Variants in SMS observed in about 807,000 individuals in gnomAD.
SMS encodes spermine synthase.
SMS carries 3 observed loss-of-function variants against 33.0 expected under a neutral mutation model. The ratio of observed to expected loss-of-function variants is 0.09; its 90% CI spans 0.04 to 0.23. The LOEUF (loss-of-function observed/expected upper bound fraction) is 0.23, where lower values mean the gene tolerates loss of function less well. SMS is among the 10% of genes least tolerant of loss of function. The probability of loss-of-function intolerance (pLI) is 1.00; values close to 1 mark genes in which losing one functional copy is unlikely to be tolerated. For missense variants in SMS, 117 were observed against 288.6 expected (o/e 0.41, Z 4.31); for synonymous variants, 103 against 112.2 (o/e 0.92, Z 0.52).
In SMS at chrX:21,967,426, T is replaced by C. The variant is rs1923815606; in HGVS notation, c.170+110T>C. On this transcript the variant is annotated intron_variant, in intron 2 of 10. Transcript: ENST00000404933. The stretch of plus-strand genomic sequence containing the variant: ...GCATTTTTTTTTCTCCTTTGACATC[T>C]TTTAGGATGGGAATGGAACTTGGTG... 5 of 833,201 alleles carry C rather than the reference T, an allele frequency of 6.0e-6. No individual in the cohort carries two copies. In the East Asian group the frequency reaches 1.7e-4, roughly 28 times the overall value. The allele number at this position is 833,201 out of a possible 1,213,427, so 68.7% of individuals were successfully genotyped here. A position where few individuals can be genotyped will look rare whatever the true frequency, so the allele number is the denominator to read the frequency against.
At chrX:21,964,997 C>T (rs987956814) in intron 1 of SMS, among the ~76,000 whole-genome samples, 6 of 111,178 alleles carry the variant, frequency 5.4e-5, no homozygotes, top group Non-Finnish European at 9.4e-5. Flanking sequence ...GCTTCTGGTG[C>T]GCTTCTAGCT....
chrX:21,981,935 T>TA (rs1303227373), intron 7 of SMS, among the ~76,000 whole-genome samples: 11 of 111,242 alleles, frequency 9.9e-5, no homozygotes, highest in African/African-American at 3.3e-4. Flanking sequence ...ATCCCTTGAA[T>TA]AATGCAGAGT....
At chrX:21,986,725 G>A (rs1309965873) in intron 9 of SMS, among the ~76,000 whole-genome samples, 1 of 112,429 alleles carries the variant, frequency 8.9e-6, no homozygotes, top group Non-Finnish European at 1.9e-5. Flanking sequence ...TTTAAAGCAG[G>A]AGTCTGCAAA....
chrX:21,951,505 G>A (rs985237254), intron 1 of SMS, among the ~76,000 whole-genome samples: 4 of 111,690 alleles, frequency 3.6e-5, no homozygotes, highest in Non-Finnish European at 5.6e-5. Context: ...TTGTCATGAA[G>A]TCTTTGCCCA....
At chrX:21,971,863 A>T (rs1274744596) in intron 2 of SMS, 34 bp from the exon 3 acceptor site, 2 of 992,976 alleles carry the variant, frequency 2.0e-6, no homozygotes, top group Non-Finnish European at 2.9e-6. Context: ...CCCCGATACA[A>T]TTCTTAAGCT....
At chrX:21,941,053 G>A (rs1299935580) in intron 1 of SMS, 180 bp downstream of exon 1, 1 of 117,814 alleles carries the variant, frequency 8.5e-6, no homozygotes, top group African/African-American at 3.3e-5. Flanking sequence ...ACCGGCGGTC[G>A]GGCGGAGGCC....
At position 21,976,246 on chromosome X, in the gene SMS, G is replaced by T. The variant is rs189923589; in HGVS notation, c.330-815G>T. 5.7e-4 allele frequency among the ~76,000 whole-genome samples: 64 copies of T among 111,309 alleles called. 1 individual carries two copies. Among genetic ancestry groups the T allele is most frequent in the East Asian group, 5.6e-3 (20 of 3,553 alleles). On this transcript the variant is annotated intron_variant, in intron 4 of 10. Coordinates refer to ENST00000404933, the MANE Select transcript of SMS (RefSeq NM_004595.5). The stretch of plus-strand genomic sequence containing the variant: ...ACCACTGGTAAAGGTTTGTTGGGGG[G>T]TGAGGACTTCTACCTAGTTTCAGAG...
intron 7 of SMS, among the ~76,000 whole-genome samples, chrX:21,982,022 C>G (rs975887579): frequency 1.8e-5 from 2 of 110,465 alleles, no homozygotes; most frequent in Admixed American, 9.7e-5. Context: ...CAGAATAAGT[C>G]AAATAACCTG....
Position 21,971,986 on chromosome X carries a change from A to T in SMS, c.260A>T (p.Asp87Val), listed in dbSNP as rs1273369343. 1.7e-6 allele frequency: 2 copies of T among 1,173,322 alleles called. No homozygotes were observed. The highest frequency in any genetic ancestry group is 3.6e-5 in the South Asian group (2 of 56,102). Residue 87 changes from aspartate to valine, a missense_variant, in exon 3 of 11, where the codon GAC becomes GTC. By Grantham distance (152) the Asp-to-Val change is radical (BLOSUM62 -3). Around this residue, in one of 3 missense-constraint regions of SMS, gnomAD observed 25 missense variants for 24.4 expected, o/e 1.03. Transcript: ENST00000404933. ...DGDAQGKEEI[D>V]SILNKVEERM... ...GATGCGCAAGGCAAAGAAGAGATCGACAGTGTCGGTTTTTCACTTTCATTT... is the reference window on the plus strand; with the variant it reads ...GATGCGCAAGGCAAAGAAGAGATCGTCAGTGTCGGTTTTTCACTTTCATTT...
intron 1 of SMS, among the ~76,000 whole-genome samples, chrX:21,963,169 T>G (rs142267894): frequency 0.01 from 1,174 of 112,310 alleles, 17 homozygotes; most frequent in African/African-American, 0.036. Context: ...AGCCCTGATT[T>G]GGAAAGAGAT....
chrX:21,991,709 A>G (rs929372977), intron 9 of SMS, among the ~76,000 whole-genome samples: 1 of 112,442 alleles, frequency 8.9e-6, no homozygotes, highest in African/African-American at 3.2e-5. Context: ...ATGTACATTA[A>G]GGTGTAAGAA....
At chrX:21,941,709 A>AC (rs1165060896) in intron 1 of SMS, among the ~76,000 whole-genome samples, 1 of 106,414 alleles carries the variant, frequency 9.4e-6, no homozygotes, top group Non-Finnish European at 1.9e-5. Flanking sequence ...ACATGGTGAA[A>AC]CCCCGTCTCT....
At chrX:21,945,657 C>T (rs1275306127) in intron 1 of SMS, among the ~76,000 whole-genome samples, 5 of 83,688 alleles carry the variant, frequency 6.0e-5, no homozygotes, top group African/African-American at 2.2e-4. Context: ...CCCCTACAGT[C>T]TCGCTCTGTC....
At position 21,980,136 on chromosome X, in the gene SMS, C is replaced by T. The variant is rs1334109746; in HGVS notation, c.750+1170C>T. ...GATTTAGTTAGAAGTGTAAAGATTT[C>T]AATTTTAAGAAATCTGTCAACTTAA... On this transcript the variant is annotated intron_variant, in intron 7 of 10. Transcript: ENST00000404933. Among the ~76,000 whole-genome samples the T allele has an allele frequency of 6.4e-5, 7 of 110,082 alleles. No homozygotes were observed. In the East Asian group the frequency reaches 2.0e-3, roughly 31 times the overall value.
chrX:21,993,619 G>T (rs1399113276), intron 10 of SMS, among the ~76,000 whole-genome samples: 1 of 112,228 alleles, frequency 8.9e-6, no homozygotes, highest in Admixed American at 9.4e-5. Flanking sequence ...TGGCCAGCAA[G>T]AGGCAATGAG....
chrX:21,956,632 G>A (rs1922991852), intron 1 of SMS, among the ~76,000 whole-genome samples: 1 of 110,844 alleles, frequency 9.0e-6, no homozygotes, highest in Non-Finnish European at 1.9e-5. Flanking sequence ...ACCACGCCCG[G>A]CTAATTTTTG....
chrX:21,994,612 T>G lies in SMS; in HGVS notation c.*261T>G, dbSNP rs1165377933. The G allele has an allele frequency of 2.7e-5, 24 of 902,664 alleles. No individual in the cohort carries two copies. Among genetic ancestry groups the G allele is most frequent in the Non-Finnish European group, 3.3e-5 (24 of 735,681 alleles). 74.4% of individuals were successfully genotyped at this position (902,664 alleles called of 1,213,427 possible). On this transcript the variant is annotated 3_prime_UTR_variant, in exon 11 of 11. Transcript: ENST00000404933. ...AATGCACTGACCCCCCCCATTAGAA[T>G]GTGATTTTTGTTCCTTTTTATTTCT...
intron 1 of SMS, among the ~76,000 whole-genome samples, chrX:21,942,498 T>A (rs1921887100): frequency 8.9e-6 from 1 of 112,111 alleles, no homozygotes; most frequent in African/African-American, 3.2e-5. Flanking sequence ...TTAAGCAATG[T>A]CAGTGTATTT....
intron 9 of SMS, among the ~76,000 whole-genome samples, chrX:21,989,841 C>G (rs1925639060): frequency 9.0e-6 from 1 of 111,084 alleles, no homozygotes; most frequent in Non-Finnish European, 1.9e-5. Flanking sequence ...CTCCCGGGTT[C>G]AAGCACCTCT....
Sources: gnomAD v4.1 joint callset for allele counts (sites outside exome capture counted in the v4.1 genomes callset) on GRCh38, gnomAD v4.1.1 for gene constraint, gnomAD v4.1.1 regional missense constraint, MANE v1.5 for transcripts, NCBI Gene and HGNC (gene_info 2026-07-23, HGNC 2026-07-21) for gene names.